ARFRP1: variants seen among roughly 807,000 people sequenced by gnomAD.
ARFRP1 encodes the protein ARF related protein 1.
Under a neutral mutation model 30.3 loss-of-function variants are expected in ARFRP1, and 19 were observed. The ratio of observed to expected loss-of-function variants is 0.63; its 90% CI spans 0.44 to 0.92. ARFRP1 has a LOEUF of 0.92. Among genes scored for constraint, ARFRP1 ranks in the 40% least tolerant of loss-of-function variants. ARFRP1 has a pLI of 0.00. For missense variants in ARFRP1, 245 were observed against 267.5 expected, an observed-to-expected ratio of 0.92 and a Z score of 0.59; for synonymous variants, 133 against 114.2, an observed-to-expected ratio of 1.16 and a Z score of -1.05.
intron 2 of ARFRP1, 87 bp from the exon 3 acceptor site, chr20:63,706,825 CAG>C: frequency 2.3e-6 from 3 of 1,289,398 alleles, no homozygotes; most frequent in Non-Finnish European, 3.4e-6. Flanking sequence ...CTTTAAAAGA[CAG>C]AAACAGAAAC....
Position 63,700,317 on chromosome 20 carries a change from A to G in ARFRP1, c.*126T>C, listed in dbSNP as rs1222318368. On this transcript the variant is annotated 3_prime_UTR_variant, in exon 8 of 8. Transcript: ENST00000622789. ...TAGAGGAAAGTTTGTCTTCGAGAAAACAAAGTAAATAGAAGAACCCCAAAG... is the reference window on the plus strand; with the variant it reads ...TAGAGGAAAGTTTGTCTTCGAGAAAGCAAAGTAAATAGAAGAACCCCAAAG... 4.4e-6 allele frequency: 6 copies of G among 1,374,866 alleles called. No homozygotes were observed. The highest frequency in any genetic ancestry group is 5.9e-6 in the Non-Finnish European group (6 of 1,013,866). 85.2% of individuals were successfully genotyped at this position (1,374,866 alleles called of 1,614,324 possible). A position where few individuals can be genotyped will look rare whatever the true frequency, so the allele number is the denominator to read the frequency against.
At chr20:63,701,499 CTTT>C (rs2091203046) in intron 6 of ARFRP1, 3 of 517,128 alleles carry the variant, frequency 5.8e-6, no homozygotes, top group Admixed American at 6.2e-5. Context: ...AGCATCACTT[CTTT>C]GAGCTCTGAG....
Position 63,702,010 on chromosome 20 carries a change from C to A in ARFRP1, c.347-110G>T, listed in dbSNP as rs962586121. The A allele has an allele frequency of 1.5e-3, 1,349 of 893,204 alleles. 29 individuals carry two copies. The highest frequency in any genetic ancestry group is 1.3e-3 in the Non-Finnish European group (788 of 614,902). The allele number at this position is 893,204 out of a possible 1,614,324, so 55.3% of individuals were successfully genotyped here. A position where few individuals can be genotyped will look rare whatever the true frequency, so the allele number is the denominator to read the frequency against. ...AGCCACTCCCTCTGCCCCCCCCCCC[C>A]CCGTCACCCACTAGGCAGGAGCACT... On this transcript the variant is annotated intron_variant, in intron 5 of 7. Coordinates refer to ENST00000622789, the MANE Select transcript of ARFRP1 (RefSeq NM_001267547.3).
chr20:63,699,527 A>G lies in ARFRP1; in HGVS notation c.*916T>C, dbSNP rs1568739738. 6.6e-6 allele frequency: 1 copy of G among 152,202 alleles called. No individual in the cohort carries two copies. The highest frequency in any genetic ancestry group is 2.4e-5 in the African/African-American group (1 of 41,378). 9.4% of individuals were successfully genotyped at this position (152,202 alleles called of 1,614,324 possible). A position where few individuals can be genotyped will look rare whatever the true frequency, so the allele number is the denominator to read the frequency against. On this transcript the variant is annotated 3_prime_UTR_variant, in exon 8 of 8. Transcript: ENST00000622789. ...GGACAGAGCCACACTCGCCGTCTTT[A>G]TTTTGCACTCACCCTGGGTGACACT...
chr20:63,701,648 C>T, intron 6 of ARFRP1, 182 bp downstream of exon 6: 1 of 619,152 alleles, frequency 1.6e-6, no homozygotes, highest in East Asian at 2.8e-5. Flanking sequence ...GGGCTGGCAG[C>T]AGCAGGTCTG....
chr20:63,700,532 T>C lies in ARFRP1; in HGVS notation c.519-2A>G. The C allele has an allele frequency of 1.2e-6, 2 of 1,610,936 alleles. No individual in the cohort carries two copies. Among genetic ancestry groups the C allele is most frequent in the Non-Finnish European group, 1.7e-6 (2 of 1,179,868 alleles). On this transcript the variant is annotated splice_acceptor_variant, in intron 7 of 7. Transcript: ENST00000622789. LOFTEE classifies it high-confidence loss of function. ...TCGATGCCCTCGCGCACCCCTTTGCTGTGAAGACAGCGGGTGTGAGGCGGG... is the reference window on the plus strand; with the variant it reads ...TCGATGCCCTCGCGCACCCCTTTGCCGTGAAGACAGCGGGTGTGAGGCGGG...
intron 2 of ARFRP1, 129 bp from the exon 3 acceptor site, chr20:63,706,867 G>A: frequency 7.9e-7 from 1 of 1,267,186 alleles, no homozygotes; most frequent in Non-Finnish European, 1.1e-6. Context: ...CAGGAGGCTG[G>A]TGGTGACTAT....
At chr20:63,706,297 T>C (rs2091459096) in intron 4 of ARFRP1, 60 bp downstream of exon 4, 2 of 1,507,358 alleles carry the variant, frequency 1.3e-6, no homozygotes, top group Non-Finnish European at 1.8e-6. Flanking sequence ...CAAAGGGCAC[T>C]CTGGAAAGAA....
At chr20:63,701,611 G>T (rs543416544) in intron 6 of ARFRP1, 1 of 596,324 alleles carries the variant, frequency 1.7e-6, no homozygotes, top group Non-Finnish European at 3.0e-6. Context: ...GCCTCTGGGC[G>T]CCTGCCCTGA....
At chr20:63,701,794 C>T (rs780531239) in intron 6 of ARFRP1, 36 bp downstream of exon 6, 12 of 1,545,560 alleles carry the variant, frequency 7.8e-6, no homozygotes, top group South Asian at 3.6e-5. Context: ...GCTGGGGACT[C>T]GGGAAGCTGC....
chr20:63,698,857 TGTGGCAC>T lies in ARFRP1; in HGVS notation c.*1579_*1585del, dbSNP rs1025231317. ...GAGTGCCACCTCTGCCCCCAGTGGC[TGTGGCAC>T]GTGGCAGGGGCCCCTGAAGCTCAGC... On this transcript the variant is annotated 3_prime_UTR_variant, in exon 8 of 8. Transcript: ENST00000622789. 13 of 288,042 alleles carry T rather than the reference TGTGGCAC, an allele frequency of 4.5e-5. No homozygotes were observed. The highest frequency in any genetic ancestry group is 2.8e-4 in the African/African-American group (13 of 45,818). The allele number at this position is 288,042 out of a possible 1,614,324, so 17.8% of individuals were successfully genotyped here. A position where few individuals can be genotyped will look rare whatever the true frequency, so the allele number is the denominator to read the frequency against.
rs761386802 is a variant in ARFRP1, at chr20:63,700,521, C to T, written c.528G>A (p.Val176=). 2 of 1,610,912 alleles carry T rather than the reference C, an allele frequency of 1.2e-6. No individual in the cohort carries two copies. The highest frequency in any genetic ancestry group is 1.7e-6 in the Non-Finnish European group (2 of 1,179,872). ...QACSALTGKG[V]REGIEWMVKC... ...TCACCATCCACTCGATGCCCTCGCG[C>T]ACCCCTTTGCTGTGAAGACAGCGGG... The change falls in exon 8 of 8, where the codon GTG becomes GTA. Residue 176 remains valine (V), a synonymous_variant. Transcript: ENST00000622789.
intron 3 of ARFRP1, 72 bp downstream of exon 3, chr20:63,706,579 G>T: frequency 1.3e-6 from 2 of 1,523,274 alleles, no homozygotes; most frequent in South Asian, 2.2e-5. Context: ...CTGTGGCCAC[G>T]GGCCAGCTGG....
chr20:63,707,137 A>ACCTCC, intron 1 of ARFRP1, 40 bp from the exon 2 acceptor site: 1 of 1,526,852 alleles, frequency 6.5e-7, no homozygotes, highest in Non-Finnish European at 8.9e-7. Flanking sequence ...GCCAGAAAGC[A>ACCTCC]CCTCCCCTCC....
chr20:63,700,419 G>A lies in ARFRP1; in HGVS notation c.*24C>T, dbSNP rs766879447. 47 of 1,604,638 alleles carry A rather than the reference G, an allele frequency of 2.9e-5. No homozygotes were observed. The highest frequency in any genetic ancestry group is 2.6e-4 in the South Asian group (24 of 90,882). On this transcript the variant is annotated 3_prime_UTR_variant, in exon 8 of 8. Transcript: ENST00000622789. The stretch of plus-strand genomic sequence containing the variant: ...CTCCTCCAGCACCAGGGGACCAGCC[G>A]TCCCGACGGCAGCGCGGCTGCGCCT...
At chr20:63,705,498 TGTGG>T (rs2145582152) in intron 4 of ARFRP1, 1 of 425,378 alleles carries the variant, frequency 2.4e-6, no homozygotes, top group East Asian at 5.7e-5. Context: ...GCCTTGGGGG[TGTGG>T]GGAAGGGGCA....
At chr20:63,700,786 G>C (rs1174610810) in intron 6 of ARFRP1, 84 bp from the exon 7 acceptor site, 2 of 1,526,480 alleles carry the variant, frequency 1.3e-6, no homozygotes, top group Non-Finnish European at 1.8e-6. Flanking sequence ...AAGGGCGTAT[G>C]CCCTTCACCC....
Position 63,700,161 on chromosome 20 carries a change from T to C in ARFRP1, c.*282A>G. On this transcript the variant is annotated 3_prime_UTR_variant, in exon 8 of 8. Coordinates refer to ENST00000622789, the MANE Select transcript of ARFRP1 (RefSeq NM_001267547.3). Reference sequence around the variant, plus strand: ...GCCCCAATTCCCAACCAGGTCTCCCTCAGACCCCCCAGAAAGGGCCTCGAA... The same window carrying C: ...GCCCCAATTCCCAACCAGGTCTCCCCCAGACCCCCCAGAAAGGGCCTCGAA... 1 of 454,942 alleles carries C rather than the reference T, an allele frequency of 2.2e-6. No individual in the cohort carries two copies. The highest frequency in any genetic ancestry group is 4.1e-6 in the Non-Finnish European group (1 of 245,368). 28.2% of individuals were successfully genotyped at this position (454,942 alleles called of 1,614,324 possible).
chr20:63,703,505 G>A (rs540131628), intron 4 of ARFRP1: 7 of 152,520 alleles, frequency 4.6e-5, no homozygotes, highest in Admixed American at 3.9e-4. Context: ...CCCACCCCCA[G>A]GAACTTCTCT....
Sources: gnomAD v4.1 joint callset for allele counts on GRCh38, gnomAD v4.1.1 for gene constraint, MANE v1.5 for transcripts, NCBI Gene and HGNC (gene_info 2026-07-23, HGNC 2026-07-21) for gene names.